LRP1B: variants seen among roughly 807,000 people sequenced by gnomAD.
LRP1B encodes the protein low-density lipoprotein receptor-related protein 1B.
LRP1B carries 217 observed loss-of-function variants against 556.6 expected under a neutral mutation model. The ratio of observed to expected loss-of-function variants is 0.39; its 90% confidence interval spans 0.35 to 0.44. The LOEUF is 0.44. LRP1B is among the 20% of genes least tolerant of loss of function. LRP1B has a pLI of 1.00. For missense variants in LRP1B, 5,053 were observed against 5,620.8 expected, an observed-to-expected ratio of 0.90 and a Z score of 3.23; for synonymous variants, 2,047 against 1,865.8, an observed-to-expected ratio of 1.10 and a Z score of -2.50.
In LRP1B at chr2:142,022,995, T is replaced by G. The variant is rs7600085; in HGVS notation, c.82+107653A>C. On this transcript the variant is annotated intron_variant, in intron 1 of 90. Transcript: ENST00000389484. ...TGGCCAAATCTCACTAATTTTATAATGCTGTGTCTAGAAGACCACAGCTAA... is the reference window on the plus strand; with the variant it reads ...TGGCCAAATCTCACTAATTTTATAAGGCTGTGTCTAGAAGACCACAGCTAA... 4.9e-3 allele frequency among the ~76,000 whole-genome samples: 739 copies of G among 152,270 alleles called. 4 individuals carry two copies. Among genetic ancestry groups the G allele is most frequent in the African/African-American group, 0.016 (659 of 41,552 alleles).
At chr2:140,827,535 C>T (rs1691551158) in intron 31 of LRP1B, among the ~76,000 whole-genome samples, 1 of 151,238 alleles carries the variant, frequency 6.6e-6, no homozygotes, top group Non-Finnish European at 1.5e-5. Flanking sequence ...AATAAGTAAG[C>T]TTAAAGAGAG....
chr2:141,292,996 TG>T (rs1686036290), intron 3 of LRP1B, among the ~76,000 whole-genome samples: 2 of 152,072 alleles, frequency 1.3e-5, no homozygotes, highest in South Asian at 4.2e-4. Context: ...ATGGAATATA[TG>T]GATATTCTAC....
chr2:141,524,025 C>A (rs1393382518), intron 2 of LRP1B, among the ~76,000 whole-genome samples: 1 of 152,110 alleles, frequency 6.6e-6, no homozygotes, highest in East Asian at 1.9e-4. Flanking sequence ...ATAAATTTTT[C>A]ATTGCAGTGT....
intron 37 of LRP1B, among the ~76,000 whole-genome samples, chr2:140,715,271 T>C (rs1449260629): frequency 2.6e-5 from 4 of 152,040 alleles, no homozygotes; most frequent in South Asian, 4.1e-4. Flanking sequence ...AAAATCACTC[T>C]AGGCTTTGGT....
chr2:141,846,397 C>G (rs942890742), intron 1 of LRP1B, among the ~76,000 whole-genome samples: 6 of 151,262 alleles, frequency 4.0e-5, no homozygotes, highest in African/African-American at 1.5e-4. Context: ...AAGCACTATC[C>G]CAGATACTTC....
intron 7 of LRP1B, among the ~76,000 whole-genome samples, chr2:141,145,265 C>T (rs887400928): frequency 1.3e-5 from 2 of 152,040 alleles, no homozygotes; most frequent in Non-Finnish European, 2.9e-5. Context: ...GAAAATATAT[C>T]GCTTTTAAAT....
chr2:140,491,419 C>A (rs1262864264), intron 57 of LRP1B, among the ~76,000 whole-genome samples: 2 of 151,776 alleles, frequency 1.3e-5, no homozygotes, highest in Non-Finnish European at 2.9e-5. Flanking sequence ...ATAGGCATGT[C>A]CTTGTTCCAG....
chr2:140,307,842 A>T (rs1684131190), intron 83 of LRP1B, among the ~76,000 whole-genome samples: 1 of 151,818 alleles, frequency 6.6e-6, no homozygotes, highest in Non-Finnish European at 1.5e-5. Flanking sequence ...TTAATACTTA[A>T]CCAATCTAGA....
At chr2:141,196,263 A>G (rs1044021339) in intron 6 of LRP1B, among the ~76,000 whole-genome samples, 3 of 152,006 alleles carry the variant, frequency 2.0e-5, no homozygotes, top group Non-Finnish European at 4.4e-5. Flanking sequence ...TTCTCTTCCA[A>G]TTGTTTTGGC....
chr2:141,037,924 A>G (rs956334260), intron 11 of LRP1B, among the ~76,000 whole-genome samples: 1 of 151,456 alleles, frequency 6.6e-6, no homozygotes, highest in Non-Finnish European at 1.5e-5. Context: ...ACACACATCC[A>G]TACCCCTCAA....
At chr2:141,499,427 T>C (rs1683634035) in intron 2 of LRP1B, among the ~76,000 whole-genome samples, 1 of 152,132 alleles carries the variant, frequency 6.6e-6, no homozygotes, top group African/African-American at 2.4e-5. Context: ...TGGCCCTGTC[T>C]GGTTCTTTTC....
At chr2:141,996,159 A>G (rs1702483822) in intron 1 of LRP1B, among the ~76,000 whole-genome samples, 1 of 150,890 alleles carries the variant, frequency 6.6e-6, no homozygotes, top group Non-Finnish European at 1.5e-5. Context: ...CAGATGTTGC[A>G]GTGAGCTGAG....
intron 2 of LRP1B, among the ~76,000 whole-genome samples, chr2:141,559,337 A>G (rs934588556): frequency 4.6e-5 from 7 of 151,644 alleles, no homozygotes; most frequent in Non-Finnish European, 7.4e-5. Flanking sequence ...CTTCCTTATT[A>G]TTTAGTTCGG....
At chr2:141,366,257 A>G (rs1161932525) in intron 3 of LRP1B, among the ~76,000 whole-genome samples, 2 of 152,214 alleles carry the variant, frequency 1.3e-5, no homozygotes, top group African/African-American at 4.8e-5. Flanking sequence ...TGTGTTTATC[A>G]ACATCTGAAT....
intron 83 of LRP1B, among the ~76,000 whole-genome samples, chr2:140,299,968 G>T (rs1683751784): frequency 6.6e-6 from 1 of 151,946 alleles, no homozygotes; most frequent in Admixed American, 6.6e-5. Flanking sequence ...TTACATTAGG[G>T]TTGGAAAAAG....
chr2:140,522,298 T>C (rs1352004707), intron 49 of LRP1B, among the ~76,000 whole-genome samples: 2 of 151,824 alleles, frequency 1.3e-5, no homozygotes, highest in Non-Finnish European at 2.9e-5. Flanking sequence ...CCACATAATA[T>C]GGAAACTAAA....
intron 3 of LRP1B, among the ~76,000 whole-genome samples, chr2:141,281,238 C>G (rs1230795460): frequency 6.6e-6 from 1 of 151,994 alleles, no homozygotes; most frequent in Non-Finnish European, 1.5e-5. Flanking sequence ...AATAATGCAG[C>G]TGGCTTTTAT....
rs1683699400 is a variant in LRP1B, at chr2:140,627,331, G to A, written c.6800-25692C>T. Among the ~76,000 whole-genome samples, 3 of 152,264 alleles carry A rather than the reference G, an allele frequency of 2.0e-5. No homozygotes were observed. In the South Asian group the frequency reaches 6.2e-4, roughly 32 times the overall value. ...ACACCCTAATCTGAGTCAGCTGCCA[G>A]CATGGAGAGGATAAAAGCAGGCAGA... On this transcript the variant is annotated intron_variant, in intron 41 of 90. Coordinates refer to ENST00000389484, the MANE Select transcript of LRP1B (RefSeq NM_018557.3).
At chr2:141,656,860 C>T (rs1690028206) in intron 2 of LRP1B, among the ~76,000 whole-genome samples, 2 of 151,964 alleles carry the variant, frequency 1.3e-5, no homozygotes, top group South Asian at 2.1e-4. Flanking sequence ...CCACTTTTAG[C>T]TACATAGTTT....
Sources: allele counts gnomAD v4.1 joint callset (sites outside exome capture counted in the v4.1 genomes callset), GRCh38; gene constraint gnomAD v4.1.1; transcripts MANE v1.5; gene names NCBI Gene and HGNC (gene_info 2026-07-23, HGNC 2026-07-21).